The following RRP1B variants were observed in gnomAD, a reference collection of about 807,000 sequenced individuals.
RRP1B encodes ribosomal RNA processing 1B.
In RRP1B, 56 loss-of-function variants were observed where a neutral mutation model predicts 80.2. The observed-to-expected ratio is 0.70, with a 90% CI of 0.56 to 0.87. The LOEUF is 0.87. Ranked by LOEUF, RRP1B falls within the 40% of genes least tolerant of loss-of-function variation. The probability of loss-of-function intolerance (pLI) is 0.00; values close to 1 mark genes in which losing one functional copy is unlikely to be tolerated. For missense variants in RRP1B, 807 were observed against 939.8 expected, an observed-to-expected ratio of 0.86 and a Z score of 1.85; for synonymous variants, 351 against 357.6, an observed-to-expected ratio of 0.98 and a Z score of 0.21.
At chr21:43,689,224 C>CAA (rs1568960758) in intron 13 of RRP1B, among the ~76,000 whole-genome samples, 1 of 152,278 alleles carries the variant, frequency 6.6e-6, no homozygotes, top group Non-Finnish European at 1.5e-5. Flanking sequence ...GTGGTAGAGA[C>CAA]AGAGACCTGC....
Position 43,687,807 on chromosome 21 carries a change from A to G in RRP1B, c.1433A>G (p.Lys478Arg). Residue 478 changes from lysine to arginine, a missense_variant, in exon 13 of 16, where the codon AAG (lysine) becomes AGG (arginine). Physicochemically the swap from Lys to Arg is conservative, Grantham distance 26. Coordinates refer to ENST00000340648, the MANE Select transcript of RRP1B (RefSeq NM_015056.3). The part of the protein sequence containing the change: ...MHNKRKRPRK[K>R]SPRAHREMLE... ...AATAAAAGGAAACGGCCACGGAAGA[A>G]GAGCCCGAGGGCCCACAGGGAAATG... The G allele has an allele frequency of 6.2e-7, 1 of 1,613,278 alleles. No homozygotes were observed. Among genetic ancestry groups the G allele is most frequent in the Non-Finnish European group, 8.5e-7 (1 of 1,180,036 alleles).
intron 1 of RRP1B, among the ~76,000 whole-genome samples, chr21:43,667,686 G>A (rs2082983776): frequency 6.6e-6 from 1 of 152,120 alleles, no homozygotes; most frequent in South Asian, 2.1e-4. Flanking sequence ...GAAAAAAAAA[G>A]TTACTGCAAT....
At chr21:43,662,758 A>T (rs1406822785) in intron 1 of RRP1B, among the ~76,000 whole-genome samples, 5 of 152,216 alleles carry the variant, frequency 3.3e-5, no homozygotes, top group African/African-American at 1.2e-4. Context: ...TCATTCATTC[A>T]TTCATATATT....
At chr21:43,672,845 G>C (rs1226412684) in intron 3 of RRP1B, among the ~76,000 whole-genome samples, 2 of 152,204 alleles carry the variant, frequency 1.3e-5, no homozygotes, top group Non-Finnish European at 2.9e-5. Context: ...GACTTCGTTT[G>C]TTCTGCTTAA....
At chr21:43,667,692 G>A (rs1414139657) in intron 1 of RRP1B, among the ~76,000 whole-genome samples, 1 of 152,138 alleles carries the variant, frequency 6.6e-6, no homozygotes, top group Admixed American at 6.6e-5. Context: ...AAAAGTTACT[G>A]CAATCATGAC....
chr21:43,683,972 CAAAAAAAAA>C lies in RRP1B; in HGVS notation c.892-571_892-563del, dbSNP rs60372004. Among the ~76,000 whole-genome samples the C allele has an allele frequency of 1.2e-3, 105 of 88,982 alleles. 1 individual carries two copies. Among genetic ancestry groups the C allele is most frequent in the African/African-American group, 4.6e-3 (100 of 21,704 alleles). 58.4% of individuals were successfully genotyped at this position (88,982 alleles called of 152,430 possible). ...CCAGCCTGGGTGACAGACTCTGGCTCAAAAAAAAAAAAAAAAAAGCACACCCAGGTAAAT... is the reference window on the plus strand; with the variant it reads ...CCAGCCTGGGTGACAGACTCTGGCTCAAAAAAAAAGCACACCCAGGTAAAT... On this transcript the variant is annotated intron_variant, in intron 9 of 15. Coordinates refer to ENST00000340648, the MANE Select transcript of RRP1B (RefSeq NM_015056.3).
intron 8 of RRP1B, among the ~76,000 whole-genome samples, chr21:43,681,297 TA>T (rs2083042557): frequency 6.7e-6 from 1 of 149,706 alleles, no homozygotes; most frequent in South Asian, 2.1e-4. Context: ...GATAGATAGA[TA>T]GATAGAATCA....
rs370246023 is a variant in RRP1B at position 43,691,513 on chromosome 21, T to G, written c.2083+11T>G. ...GAAACATGACTGCCGGTAAGTGGGG[T>G]TTTGCCAGCGGCAAGCTTCTCTGGA... On this transcript the variant is annotated intron_variant, in intron 15 of 15. Coordinates refer to ENST00000340648, the MANE Select transcript of RRP1B (RefSeq NM_015056.3). The surrounding 1 kb of genome is among the most constrained non-coding windows in gnomAD (Gnocchi z 4.2). The G allele has an allele frequency of 2.5e-4, 408 of 1,613,408 alleles. No homozygotes were observed. The highest frequency in any genetic ancestry group is 3.1e-4 in the Non-Finnish European group (363 of 1,179,640).
At position 43,695,174 on chromosome 21, in the gene RRP1B, CTTTTT is replaced by C. The variant is rs11290978; in HGVS notation, c.*1799_*1803del. ...AGGTGAGCAAATAGTTTTAACTTTT[CTTTTT>C]TTTTTTTAAGTTTCATTCTTCCTAG... On this transcript the variant is annotated 3_prime_UTR_variant, in exon 16 of 16. Transcript: ENST00000340648. 3.4e-5 allele frequency: 5 copies of C among 148,304 alleles called. No individual in the cohort carries two copies. The highest frequency in any genetic ancestry group is 1.2e-4 in the African/African-American group (5 of 40,256). The allele number at this position is 148,304 out of a possible 1,614,324, so 9.2% of individuals were successfully genotyped here. A position where few individuals can be genotyped will look rare whatever the true frequency, so the allele number is the denominator to read the frequency against.
chr21:43,672,516 G>T (rs1037437424), intron 3 of RRP1B, 151 bp downstream of exon 3: 1 of 672,988 alleles, frequency 1.5e-6, no homozygotes, highest in East Asian at 2.6e-5. Context: ...TGGTGAGAGG[G>T]CACAGTGTCT....
At chr21:43,669,737 A>G (rs980137044) in intron 1 of RRP1B, 147 bp from the exon 2 acceptor site, 11 of 552,706 alleles carry the variant, frequency 2.0e-5, no homozygotes, top group African/African-American at 7.6e-5. Flanking sequence ...TGTTTCTTTT[A>G]TAACAATAAG....
intron 8 of RRP1B, among the ~76,000 whole-genome samples, chr21:43,681,302 A>AGATG (rs944329347): frequency 7.0e-6 from 1 of 143,872 alleles, no homozygotes; most frequent in African/African-American, 2.7e-5. Flanking sequence ...ATAGATAGAT[A>AGATG]GAATCAAGAA....
Position 43,686,841 on chromosome 21 carries a change from T to G in RRP1B, c.1047T>G (p.Ile349Met). Residue 349 changes from isoleucine to methionine, a missense_variant, in exon 12 of 16, where the codon ATT becomes ATG. Physicochemically the swap from Ile to Met is conservative, Grantham distance 10. Coordinates refer to ENST00000340648, the MANE Select transcript of RRP1B (RefSeq NM_015056.3). ...SISQLSFAED[I>M]SADEDDQILS... is the part of the protein sequence containing the mutation. ...CTCAACTCAGTTTTGCGGAGGACAT[T>G]TCTGCTGATGAAGATGACCAAATCC... 1 of 1,614,090 alleles carries G rather than the reference T, an allele frequency of 6.2e-7. No homozygotes were observed. The highest frequency in any genetic ancestry group is 8.5e-7 in the Non-Finnish European group (1 of 1,180,014).
At chr21:43,682,734 G>A (rs1250758196) in intron 8 of RRP1B, among the ~76,000 whole-genome samples, 1 of 152,218 alleles carries the variant, frequency 6.6e-6, no homozygotes, top group Non-Finnish European at 1.5e-5. Context: ...AAGGCAGCAG[G>A]GAATTGGGGT....
chr21:43,664,227 T>C (rs772059321), intron 1 of RRP1B, among the ~76,000 whole-genome samples: 5 of 150,930 alleles, frequency 3.3e-5, no homozygotes, highest in Non-Finnish European at 4.4e-5. Flanking sequence ...TCACCTGAGG[T>C]TGGGAGGCTG....
At position 43,659,818 on chromosome 21, in the gene RRP1B, C is replaced by T. The variant is rs1268109663; in HGVS notation, c.130+24C>T. The T allele has an allele frequency of 1.3e-6, 2 of 1,493,520 alleles. No homozygotes were observed. The highest frequency in any genetic ancestry group is 1.4e-5 in the African/African-American group (1 of 69,144). 92.5% of individuals were successfully genotyped at this position (1,493,520 alleles called of 1,614,324 possible). A position where few individuals can be genotyped will look rare whatever the true frequency, so the allele number is the denominator to read the frequency against. ...AGGTGGGCGCACGGCCGCGGTCAGC[C>T]GCGCCACATGGCGGGCCGGGGGCCG... On this transcript the variant is annotated intron_variant, in intron 1 of 15. Coordinates refer to ENST00000340648, the MANE Select transcript of RRP1B (RefSeq NM_015056.3). This position sits in a 1 kb window ranked among gnomAD's most constrained non-coding sequence, Gnocchi z 4.2.
At chr21:43,664,059 T>C (rs1223438716) in intron 1 of RRP1B, among the ~76,000 whole-genome samples, 3 of 152,222 alleles carry the variant, frequency 2.0e-5, no homozygotes, top group Admixed American at 2.0e-4. Flanking sequence ...TTACTTTGAA[T>C]ACTTCAAAAA....
chr21:43,669,723 T>C (rs2082991989), intron 1 of RRP1B, among the ~76,000 whole-genome samples, 161 bp from the exon 2 acceptor site: 1 of 152,252 alleles, frequency 6.6e-6, no homozygotes, highest in Non-Finnish European at 1.5e-5. Context: ...TAGTAATTTA[T>C]TTGTGTTTCT....
intron 1 of RRP1B, among the ~76,000 whole-genome samples, chr21:43,664,872 C>T (rs934784148): frequency 1.3e-5 from 2 of 152,168 alleles, no homozygotes; most frequent in African/African-American, 4.8e-5. Flanking sequence ...TCTCATGAGA[C>T]TTATTCAGTC....
Sources: gnomAD v4.1 joint callset for allele counts (sites outside exome capture counted in the v4.1 genomes callset) on GRCh38, gnomAD v4.1.1 for gene constraint, Gnocchi (gnomAD v3.1) non-coding constraint, MANE v1.5 for transcripts, NCBI Gene and HGNC (gene_info 2026-07-23, HGNC 2026-07-21) for gene names.